NRG1: variants seen among roughly 807,000 people sequenced by gnomAD.
NRG1 encodes the protein neuregulin 1, also known as pro-neuregulin-1, membrane-bound isoform.
NRG1 carries 18 observed loss-of-function variants against 63.8 expected under a neutral mutation model. The observed-to-expected ratio is 0.28, with a 90% CI of 0.19 to 0.42. NRG1 has a LOEUF of 0.42. Ranked by LOEUF, NRG1 falls within the 10% of genes least tolerant of loss-of-function variation. The probability of loss-of-function intolerance (pLI) is 1.00; values close to 1 mark genes in which losing one functional copy is unlikely to be tolerated. For missense variants in NRG1, 762 were observed against 814.7 expected, an observed-to-expected ratio of 0.94 and a Z score of 0.79; for synonymous variants, 302 against 301.3, an observed-to-expected ratio of 1.00 and a Z score of -0.02.
At chr8:32,398,033 T>C (rs1319827228) in intron 1 of NRG1, among the ~76,000 whole-genome samples, 5 of 152,202 alleles carry the variant, frequency 3.3e-5, no homozygotes, top group Non-Finnish European at 7.3e-5. Flanking sequence ...TTTTATGCAG[T>C]CTGCTCTGCT....
intron 5 of NRG1, among the ~76,000 whole-genome samples, chr8:32,726,551 G>T: frequency 6.6e-6 from 1 of 152,034 alleles, no homozygotes. Flanking sequence ...ATCAATGAAA[G>T]GGGTCCAAAA....
At chr8:31,818,928 C>T (rs529941968) in intron 1 of NRG1, among the ~76,000 whole-genome samples, 1 of 152,254 alleles carries the variant, frequency 6.6e-6, no homozygotes, top group African/African-American at 2.4e-5. Context: ...GTGGTGGGCG[C>T]CTGTAGTCCC....
chr8:32,679,241 G>A (rs1426523526), intron 5 of NRG1, among the ~76,000 whole-genome samples: 1 of 152,162 alleles, frequency 6.6e-6, no homozygotes, highest in African/African-American at 2.4e-5. Context: ...AAGGTAAAGT[G>A]TCCTATAACC....
intron 1 of NRG1, among the ~76,000 whole-genome samples, chr8:32,306,551 G>C (rs1856203801): frequency 6.6e-6 from 1 of 152,138 alleles, no homozygotes; most frequent in African/African-American, 2.4e-5. Context: ...TAGAGAATTG[G>C]ACAAATGACA....
intron 1 of NRG1, among the ~76,000 whole-genome samples, chr8:32,261,071 G>A (rs535082462): frequency 1.0e-3 from 153 of 152,242 alleles, no homozygotes; most frequent in Middle Eastern, 6.8e-3. Context: ...CATGACCTTA[G>A]ATTTATGGGA....
intron 1 of NRG1, among the ~76,000 whole-genome samples, chr8:31,950,429 C>A (rs1250800346): frequency 6.6e-6 from 1 of 152,112 alleles, no homozygotes; most frequent in Non-Finnish European, 1.5e-5. Context: ...GGAATCTTTC[C>A]TAGATTAAGT....
At chr8:31,868,818 G>T (rs553490493) in intron 1 of NRG1, among the ~76,000 whole-genome samples, 2 of 152,248 alleles carry the variant, frequency 1.3e-5, no homozygotes, top group South Asian at 4.2e-4. Flanking sequence ...TATTGTTCAG[G>T]GTTGCACAGC....
At chr8:32,344,396 T>TTCTTTC (rs1586940025) in intron 1 of NRG1, among the ~76,000 whole-genome samples, 1 of 53,700 alleles carries the variant, frequency 1.9e-5, no homozygotes, top group Non-Finnish European at 4.3e-5. Flanking sequence ...TTCTTTCTTT[T>TTCTTTC]TTGTGCATGC....
intron 1 of NRG1, among the ~76,000 whole-genome samples, chr8:31,973,925 G>A (rs934277379): frequency 5.9e-5 from 9 of 152,120 alleles, no homozygotes; most frequent in African/African-American, 1.7e-4. Flanking sequence ...TTCACTCTCC[G>A]TCTTAGCAGA....
chr8:31,645,537 A>C lies in NRG1; in HGVS notation c.37+6106A>C, dbSNP rs942984705. On this transcript the variant is annotated intron_variant, in intron 1 of 10. Coordinates refer to the NRG1 transcript ENST00000519301. ...GATAAAATACAAGAAATTTTGGTGA[A>C]GTTGAAGGTTAAAAATAGATTGACT... Among the ~76,000 whole-genome samples the C allele has an allele frequency of 2.6e-5, 4 of 152,318 alleles. No homozygotes were observed. In the South Asian group the frequency reaches 6.2e-4, roughly 24 times the overall value.
chr8:31,763,852 A>G (rs1418777283), intron 1 of NRG1, among the ~76,000 whole-genome samples: 1 of 152,076 alleles, frequency 6.6e-6, no homozygotes, highest in African/African-American at 2.4e-5. Context: ...TGGGAGGCTG[A>G]GGCAGGAGAA....
chr8:31,883,920 A>C (rs1419251362), intron 1 of NRG1, among the ~76,000 whole-genome samples: 1 of 152,048 alleles, frequency 6.6e-6, no homozygotes. Flanking sequence ...GGCACTTAGA[A>C]TATTCTCCCA....
intron 1 of NRG1, among the ~76,000 whole-genome samples, chr8:32,236,733 A>T (rs1847602509): frequency 6.6e-6 from 1 of 152,236 alleles, no homozygotes; most frequent in African/African-American, 2.4e-5. Flanking sequence ...GTGGTGCTTG[A>T]GAGGAGAAAG....
At chr8:32,764,637 C>T (rs891013296) in exon 12 of NRG1, 15 of 361,324 alleles carry the variant, frequency 4.2e-5, no homozygotes, top group South Asian at 1.1e-4. Context: ...TATGTTATGT[C>T]GAGAGCAAGT....
chr8:32,416,749 A>G (rs542327741), intron 1 of NRG1, among the ~76,000 whole-genome samples: 19 of 152,160 alleles, frequency 1.2e-4, no homozygotes, highest in Non-Finnish European at 1.9e-4. Context: ...GTTCAGTGGC[A>G]CAATCTCAGC....
At chr8:31,892,386 G>A (rs1288573080) in intron 1 of NRG1, among the ~76,000 whole-genome samples, 1 of 152,010 alleles carries the variant, frequency 6.6e-6, no homozygotes, top group Non-Finnish European at 1.5e-5. Context: ...GAAAAAGGTA[G>A]TATTAAAGGA....
intron 1 of NRG1, among the ~76,000 whole-genome samples, chr8:31,702,137 G>C (rs1293410790): frequency 1.3e-5 from 2 of 152,156 alleles, no homozygotes; most frequent in African/African-American, 4.8e-5. Flanking sequence ...TGGGCTTACA[G>C]TATACAGTTG....
chr8:31,656,178 A>G (rs568362016), intron 1 of NRG1, among the ~76,000 whole-genome samples: 122 of 152,278 alleles, frequency 8.0e-4, no homozygotes, highest in Non-Finnish European at 1.6e-3. Flanking sequence ...AGCATAAGGA[A>G]CAGCCACCTT....
At chr8:31,768,049 G>C (rs1385482052) in intron 1 of NRG1, among the ~76,000 whole-genome samples, 2 of 152,050 alleles carry the variant, frequency 1.3e-5, no homozygotes, top group Non-Finnish European at 2.9e-5. Flanking sequence ...ATATTGCAGG[G>C]CTGGAGTATC....
Sources: gnomAD v4.1 joint callset for allele counts (sites outside exome capture counted in the v4.1 genomes callset) on GRCh38, gnomAD v4.1.1 for gene constraint, MANE v1.5 for transcripts, NCBI Gene and HGNC (gene_info 2026-07-23, HGNC 2026-07-21) for gene names.